Variants in GNAL observed in about 807,000 individuals in gnomAD.
The protein encoded by GNAL is G protein subunit alpha L, also known as guanine nucleotide-binding protein G(olf) subunit alpha.
Under a neutral mutation model 55.1 loss-of-function variants are expected in GNAL, and 18 were observed. The observed-to-expected ratio is 0.33, with a 90% CI of 0.23 to 0.48. The LOEUF (loss-of-function observed/expected upper bound fraction) is 0.48, where lower values mean the gene tolerates loss of function less well. Among genes scored for constraint, GNAL ranks in the 20% least tolerant of loss-of-function variants. GNAL has a pLI of 0.99. For missense variants in GNAL, 412 were observed against 614.1 expected (o/e 0.67, Z 3.48); for synonymous variants, 253 against 237.0 (o/e 1.07, Z -0.62).
At chr18:11,769,825 CAT>C (rs1473514015) in intron 4 of GNAL, among the ~76,000 whole-genome samples, 12 of 152,284 alleles carry the variant, frequency 7.9e-5, no homozygotes, top group South Asian at 6.2e-4. Flanking sequence ...TATTTACACA[CAT>C]GTCTAAAATA....
At chr18:11,819,311 GGTAGT>G in intron 4 of GNAL, among the ~76,000 whole-genome samples, 1 of 152,182 alleles carries the variant, frequency 6.6e-6, no homozygotes, top group East Asian at 1.9e-4. Flanking sequence ...TCAATATAAA[GGTAGT>G]CGTAGATAGC....
chr18:11,740,406 G>T lies in GNAL; in HGVS notation c.377-12447G>T, dbSNP rs531556865. On this transcript the variant is annotated intron_variant, in intron 1 of 11. Transcript: ENST00000334049. ...GATCTGGGTACCGTCCCTGCTCGCT[G>T]CTACTGGAGAGTCTTCACTTCTTGG... Among the ~76,000 whole-genome samples the T allele has an allele frequency of 2.6e-5, 4 of 152,120 alleles. No homozygotes were observed. In the South Asian group the frequency reaches 6.2e-4, roughly 24 times the overall value.
At chr18:11,719,546 G>A (rs1567997218) in intron 1 of GNAL, among the ~76,000 whole-genome samples, 1 of 152,232 alleles carries the variant, frequency 6.6e-6, no homozygotes, top group Non-Finnish European at 1.5e-5. Context: ...TTAAATACAA[G>A]TGGAAGAAGA....
chr18:11,733,364 C>T lies in GNAL; in HGVS notation c.377-19489C>T, dbSNP rs1016539833. Among the ~76,000 whole-genome samples the T allele has an allele frequency of 2.6e-5, 4 of 152,148 alleles. No homozygotes were observed. The East Asian group carries it at 7.7e-4, about 29-fold the overall frequency. On this transcript the variant is annotated intron_variant, in intron 1 of 11. Transcript: ENST00000334049. Reference sequence around the variant, plus strand: ...CCTGCTGAATGCTGTACCCAGGTGGCGGAGAGCAGAAGCGAAACTGGGGAG... The same window carrying T: ...CCTGCTGAATGCTGTACCCAGGTGGTGGAGAGCAGAAGCGAAACTGGGGAG...
At chr18:11,747,055 T>A (rs1334338366) in intron 1 of GNAL, 2 of 455,298 alleles carry the variant, frequency 4.4e-6, no homozygotes, top group African/African-American at 2.0e-5. Flanking sequence ...TATATTTTCA[T>A]GAGGCCGAGG....
At chr18:11,739,214 C>T (rs534624757) in intron 1 of GNAL, among the ~76,000 whole-genome samples, 1 of 152,308 alleles carries the variant, frequency 6.6e-6, no homozygotes, top group East Asian at 1.9e-4. Flanking sequence ...AAAAAAGTTG[C>T]AAGAATAAGA....
chr18:11,756,159 A>G (rs1307202886), intron 4 of GNAL, among the ~76,000 whole-genome samples: 3 of 152,180 alleles, frequency 2.0e-5, no homozygotes, highest in Non-Finnish European at 4.4e-5. Context: ...ATTCAACCCC[A>G]AATCCAGAAA....
chr18:11,840,183 A>G (rs1056936188), intron 5 of GNAL, among the ~76,000 whole-genome samples: 1 of 152,226 alleles, frequency 6.6e-6, no homozygotes, highest in Admixed American at 6.5e-5. Context: ...TGTGACAACA[A>G]TTAAGTGCAT....
At chr18:11,758,676 C>T (rs958542650) in intron 4 of GNAL, among the ~76,000 whole-genome samples, 9 of 152,130 alleles carry the variant, frequency 5.9e-5, no homozygotes, top group African/African-American at 2.2e-4. Context: ...TGACAGTTGC[C>T]TGATTAGAGT....
intron 1 of GNAL, among the ~76,000 whole-genome samples, chr18:11,694,972 C>T (rs947245953): frequency 2.6e-5 from 4 of 152,006 alleles, no homozygotes; most frequent in Admixed American, 6.6e-5. Flanking sequence ...GAGGACACTG[C>T]GGGATTAGGG....
At chr18:11,729,353 C>G (rs2032284080) in intron 1 of GNAL, among the ~76,000 whole-genome samples, 1 of 152,108 alleles carries the variant, frequency 6.6e-6, no homozygotes, top group African/African-American at 2.4e-5. Context: ...GCACAGTGAA[C>G]CAGCTGGAGG....
chr18:11,878,668 C>G (rs2036587550), intron 11 of GNAL, among the ~76,000 whole-genome samples: 1 of 152,086 alleles, frequency 6.6e-6, no homozygotes, highest in African/African-American at 2.4e-5. Context: ...CTCCTGGGCT[C>G]AAGCAACCCT....
chr18:11,834,799 G>A (rs779239431), intron 5 of GNAL, among the ~76,000 whole-genome samples: 37 of 152,324 alleles, frequency 2.4e-4, no homozygotes, highest in African/African-American at 6.0e-4. Flanking sequence ...ACACAAATGT[G>A]ACATCTGATA....
chr18:11,701,575 A>G (rs2031572062), intron 1 of GNAL, among the ~76,000 whole-genome samples: 1 of 151,880 alleles, frequency 6.6e-6, no homozygotes, highest in African/African-American at 2.4e-5. Context: ...AAAAAAAAAA[A>G]AAAAAAGCAT....
rs1378215862 is a variant in GNAL, at chr18:11,752,659, A to G, written c.377-194A>G. ...GCGGCGAGCGCCAGGCTGGGCGGGC[A>G]GGGCCGGGCGAGGGTCGCGCGCACC... On this transcript the variant is annotated intron_variant, in intron 1 of 11. Coordinates refer to ENST00000334049, the MANE Select transcript of GNAL (RefSeq NM_182978.4). This position sits in a 1 kb window ranked among gnomAD's most constrained non-coding sequence, Gnocchi z 4.5. 1.9e-5 allele frequency: 26 copies of G among 1,359,480 alleles called. No individual in the cohort carries two copies. The highest frequency in any genetic ancestry group is 8.3e-5 in the South Asian group (5 of 60,440). 84.2% of individuals were successfully genotyped at this position (1,359,480 alleles called of 1,614,324 possible).
intron 5 of GNAL, among the ~76,000 whole-genome samples, chr18:11,829,751 T>G (rs947881400): frequency 2.7e-4 from 41 of 152,214 alleles, no homozygotes; most frequent in African/African-American, 9.2e-4. Flanking sequence ...AGCTCACGCC[T>G]GTAATCCCAG....
At chr18:11,791,748 A>C (rs1023130006) in intron 4 of GNAL, among the ~76,000 whole-genome samples, 2 of 152,176 alleles carry the variant, frequency 1.3e-5, no homozygotes, top group Non-Finnish European at 2.9e-5. Flanking sequence ...TTTCTGCTTC[A>C]TTGGGTTTCA....
chr18:11,701,016 G>C (rs2031553999), intron 1 of GNAL, among the ~76,000 whole-genome samples: 1 of 152,228 alleles, frequency 6.6e-6, no homozygotes, highest in African/African-American at 2.4e-5. Flanking sequence ...TTCTCTGGGT[G>C]ATGTGGAGAT....
At chr18:11,851,801 A>G in intron 5 of GNAL, 3 of 1,613,978 alleles carry the variant, frequency 1.9e-6, no homozygotes, top group Non-Finnish European at 1.7e-6. Context: ...GGTGTGGTTA[A>G]GTCGATGGAT....
Sources: allele counts gnomAD v4.1 joint callset (sites outside exome capture counted in the v4.1 genomes callset), GRCh38; gene constraint gnomAD v4.1.1; non-coding constraint Gnocchi (gnomAD v3.1); transcripts MANE v1.5; gene names NCBI Gene and HGNC (gene_info 2026-07-23, HGNC 2026-07-21).